PPP2R5C: variants seen among roughly 807,000 people sequenced by gnomAD.
PPP2R5C encodes the protein protein phosphatase 2 regulatory subunit B'gamma, also known as serine/threonine-protein phosphatase 2A 56 kDa regulatory subunit gamma isoform.
PPP2R5C carries 7 observed loss-of-function variants against 68.9 expected under a neutral mutation model. The observed-to-expected ratio is 0.10, with a 90% CI of 0.06 to 0.19. The LOEUF is 0.19. PPP2R5C is among the 10% of genes least tolerant of loss of function. The pLI, the probability that PPP2R5C is intolerant of heterozygous loss-of-function variation, is 1.00. For missense variants in PPP2R5C, 348 were observed against 641.3 expected (o/e 0.54, Z 4.94); for synonymous variants, 210 against 222.2 (o/e 0.95, Z 0.49).
At position 101,888,899 on chromosome 14, in the gene PPP2R5C, G is replaced by A. The variant is rs778765739; in HGVS notation, c.630-1338G>A. Among the ~76,000 whole-genome samples the A allele has an allele frequency of 3.9e-5, 6 of 151,978 alleles. No individual in the cohort carries two copies. The highest frequency in any genetic ancestry group is 2.1e-4 in the South Asian group (1 of 4,820). ...GAGCCACTGTGCCCGGCCAGATTTC[G>A]GCTTTTCTAAGCTGGCCTTCCAGCC... On this transcript the variant is annotated intron_variant, in intron 5 of 13. Coordinates refer to ENST00000334743, the Ensembl canonical transcript of PPP2R5C. The surrounding 1 kb of genome is among the most constrained non-coding windows in gnomAD (Gnocchi z 5.6).
intron 2 of PPP2R5C, among the ~76,000 whole-genome samples, chr14:101,880,363 G>A (rs1288672646): frequency 2.0e-5 from 3 of 152,092 alleles, no homozygotes; most frequent in South Asian, 2.1e-4. Flanking sequence ...TGGTCTTTAC[G>A]TCAGCTCCCC....
rs766393350 is a variant in PPP2R5C, at chr14:101,901,687, A to G, written c.853-32A>G. ...ATGCAGGTGTTGGGGCCTCGTGGGCATCAGTCACTCCACGTGTCATTTCTT... is the reference window on the plus strand; with the variant it reads ...ATGCAGGTGTTGGGGCCTCGTGGGCGTCAGTCACTCCACGTGTCATTTCTT... On this transcript the variant is annotated intron_variant, in intron 8 of 13. Coordinates refer to ENST00000334743, the Ensembl canonical transcript of PPP2R5C. 2.5e-6 allele frequency: 4 copies of G among 1,608,932 alleles called. No individual in the cohort carries two copies. In the South Asian group the frequency reaches 3.3e-5, roughly 13 times the overall value.
At position 101,891,434 on chromosome 14, in the gene PPP2R5C, A is replaced by G. The variant is rs2044905361; in HGVS notation, c.689+1138A>G. 6.6e-6 allele frequency among the ~76,000 whole-genome samples: 1 copy of G among 150,580 alleles called. No individual in the cohort carries two copies. Among genetic ancestry groups the G allele is most frequent in the African/African-American group, 2.5e-5 (1 of 40,142 alleles). ...CAAACTTGGGCGGGGTTTCTCCCTC[A>G]GTGCAGTGCAGTGAGTGGTGAAGAG... On this transcript the variant is annotated intron_variant, in intron 6 of 13. Transcript: ENST00000334743. The surrounding 1 kb of genome is among the most constrained non-coding windows in gnomAD (Gnocchi z 4.9).
chr14:101,910,491 C>T (rs1177448063), intron 11 of PPP2R5C, among the ~76,000 whole-genome samples: 1 of 152,200 alleles, frequency 6.6e-6, no homozygotes, highest in Non-Finnish European at 1.5e-5. Flanking sequence ...ATACACCAGG[C>T]CCTGTTTTAG....
intron 1 of PPP2R5C, among the ~76,000 whole-genome samples, chr14:101,854,864 A>G (rs1349983050): frequency 2.0e-5 from 3 of 152,190 alleles, no homozygotes; most frequent in East Asian, 1.9e-4. Context: ...GAAATAACAC[A>G]TTTTTAAATG....
At chr14:101,909,341 T>C (rs748898524) in intron 10 of PPP2R5C, among the ~76,000 whole-genome samples, 5 of 152,222 alleles carry the variant, frequency 3.3e-5, no homozygotes, top group African/African-American at 4.8e-5. Flanking sequence ...AGGTCGTTTT[T>C]GGCTACTGTC....
intron 1 of PPP2R5C, among the ~76,000 whole-genome samples, chr14:101,842,915 C>T (rs984779991): frequency 6.6e-6 from 1 of 151,936 alleles, no homozygotes; most frequent in Non-Finnish European, 1.5e-5. Flanking sequence ...GAGTGGAGTT[C>T]CATCTTTAAT....
chr14:101,824,170 G>A, intron 1 of PPP2R5C: 1 of 1,267,404 alleles, frequency 7.9e-7, no homozygotes, highest in Non-Finnish European at 1.0e-6. Flanking sequence ...TATTTTCGTG[G>A]TAAACGTAAA....
rs2045405347 is a variant in PPP2R5C at position 101,897,426 on chromosome 14, A to T, written c.852+2866A>T. Among the ~76,000 whole-genome samples, 3 of 145,994 alleles carry T rather than the reference A, an allele frequency of 2.1e-5. No individual in the cohort carries two copies. In the Admixed American group the frequency reaches 2.1e-4, roughly 10 times the overall value. On this transcript the variant is annotated intron_variant, in intron 8 of 13. Transcript: ENST00000334743. ...TATTTTTTTTTTTTTTTGAGACAGG[A>T]TCTCGCTCTGTCACCCAGGTCCCAC...
chr14:101,902,608 C>T lies in PPP2R5C; in HGVS notation c.1023+719C>T, dbSNP rs79544376. ...CCCGGTGCCCAGGGAGCAGGCCACA[C>T]AGTGGAAGAGAGTGACCATGTCACA... On this transcript the variant is annotated intron_variant, in intron 9 of 13. Coordinates refer to ENST00000334743, the Ensembl canonical transcript of PPP2R5C. Among the ~76,000 whole-genome samples, 472 of 152,328 alleles carry T rather than the reference C, an allele frequency of 3.1e-3. 2 individuals are homozygous for T. The highest frequency in any genetic ancestry group is 0.011 in the African/African-American group (461 of 41,568).
rs193210345 is a variant in PPP2R5C, at chr14:101,869,443, A to G, written c.294+12558A>G. ...GCTTTTATTTAACTTGGGTAAACACATAGGGATGCAATCGCTAGGTGAATG... is the reference window on the plus strand; with the variant it reads ...GCTTTTATTTAACTTGGGTAAACACGTAGGGATGCAATCGCTAGGTGAATG... On this transcript the variant is annotated intron_variant, in intron 2 of 13. Transcript: ENST00000334743. Among the ~76,000 whole-genome samples the G allele has an allele frequency of 1.9e-4, 29 of 152,298 alleles. No individual in the cohort carries two copies. In the East Asian group the frequency reaches 5.0e-3, roughly 26 times the overall value.
chr14:101,846,358 GAAAA>G (rs1295335031), intron 1 of PPP2R5C, among the ~76,000 whole-genome samples: 1 of 152,114 alleles, frequency 6.6e-6, no homozygotes, highest in Non-Finnish European at 1.5e-5. Flanking sequence ...ACCAAAAAAA[GAAAA>G]AGGAAAGTGA....
chr14:101,882,015 C>A lies in PPP2R5C; in HGVS notation c.295-146C>A. ...TTTGATCCAGGCTCTCTCTGAGGAC[C>A]CACACAGCTTCTGCGTTTTGAGGAT... On this transcript the variant is annotated intron_variant, in intron 2 of 13. Transcript: ENST00000334743. This position sits in a 1 kb window ranked among gnomAD's most constrained non-coding sequence, Gnocchi z 4.9. 1 of 598,624 alleles carries A rather than the reference C, an allele frequency of 1.7e-6. No homozygotes were observed. Among genetic ancestry groups the A allele is most frequent in the Non-Finnish European group, 2.8e-6 (1 of 360,010 alleles). 37.1% of individuals were successfully genotyped at this position (598,624 alleles called of 1,614,324 possible).
rs2037714936 is a variant in PPP2R5C at position 101,781,869 on chromosome 14, C to T, written c.94-4149C>T. On this transcript the variant is annotated intron_variant, in intron 2 of 14. Transcript: ENST00000328724. The surrounding 1 kb of genome is among the most constrained non-coding windows in gnomAD (Gnocchi z 6.4). ...CTCCAGCCGTGGCCGTGGCCGTGGC[C>T]AGGTGTACCGGAGCGGCACCCAGGA... Among the ~76,000 whole-genome samples, 1 of 151,896 alleles carries T rather than the reference C, an allele frequency of 6.6e-6. No individual in the cohort carries two copies. The highest frequency in any genetic ancestry group is 2.4e-5 in the African/African-American group (1 of 41,354).
Position 101,785,324 on chromosome 14 carries a change from C to G in PPP2R5C, c.94-694C>G, listed in dbSNP as rs999728104. On this transcript the variant is annotated intron_variant, in intron 2 of 14. Transcript: ENST00000328724. ...AGTGGCTCCAAAGAGCATAAACTTA[C>G]TATGTTACCGTTCTGGCATGTAGGT... Among the ~76,000 whole-genome samples the G allele has an allele frequency of 7.2e-5, 11 of 152,274 alleles. No homozygotes were observed. In the East Asian group the frequency reaches 2.1e-3, roughly 29 times the overall value.
Position 101,891,556 on chromosome 14 carries a change from C to T in PPP2R5C, c.689+1260C>T, listed in dbSNP as rs2044919770. Reference sequence around the variant, plus strand: ...TCCTAGGTTGTTGCAGGGACCGGAGCGCTGTATGACATGTGTTCCACAGCC... The same window carrying T: ...TCCTAGGTTGTTGCAGGGACCGGAGTGCTGTATGACATGTGTTCCACAGCC... On this transcript the variant is annotated intron_variant, in intron 6 of 13. Transcript: ENST00000334743. The surrounding 1 kb of genome is among the most constrained non-coding windows in gnomAD (Gnocchi z 4.9). Among the ~76,000 whole-genome samples, 1 of 152,128 alleles carries T rather than the reference C, an allele frequency of 6.6e-6. No individual in the cohort carries two copies. Among genetic ancestry groups the T allele is most frequent in the Non-Finnish European group, 1.5e-5 (1 of 68,018 alleles).
At chr14:101,839,105 A>C (rs531604516) in intron 1 of PPP2R5C, 1 of 150,930 alleles carries the variant, frequency 6.6e-6, no homozygotes, top group East Asian at 2.0e-4. Flanking sequence ...TAATCCCAGC[A>C]CTTGGGAGGC....
chr14:101,828,753 C>G (rs2040554894), intron 1 of PPP2R5C, among the ~76,000 whole-genome samples: 1 of 150,448 alleles, frequency 6.6e-6, no homozygotes, highest in Admixed American at 6.6e-5. Context: ...TCTCGGCTCA[C>G]TGCAACCTCC....
intron 2 of PPP2R5C, among the ~76,000 whole-genome samples, chr14:101,868,762 T>C (rs1455681169): frequency 6.6e-6 from 1 of 152,224 alleles, no homozygotes; most frequent in South Asian, 2.1e-4. Context: ...CTAGTGAATA[T>C]CTTTCCATAA....
Sources: allele counts gnomAD v4.1 joint callset (sites outside exome capture counted in the v4.1 genomes callset), GRCh38; gene constraint gnomAD v4.1.1; non-coding constraint Gnocchi (gnomAD v3.1); transcripts MANE v1.5; gene names NCBI Gene and HGNC (gene_info 2026-07-23, HGNC 2026-07-21).